Variants in SIAH1 observed in about 807,000 individuals in gnomAD.
SIAH1 encodes the protein siah E3 ubiquitin protein ligase 1.
SIAH1 carries 2 observed loss-of-function variants against 20.0 expected under a neutral mutation model. The ratio of observed to expected loss-of-function variants is 0.10; its 90% CI spans 0.04 to 0.31. The LOEUF (loss-of-function observed/expected upper bound fraction) is 0.31, where lower values mean the gene tolerates loss of function less well. Among genes scored for constraint, SIAH1 ranks in the 10% least tolerant of loss-of-function variants. The pLI is 1.00. For synonymous variants in SIAH1, 118 were observed against 125.3 expected (o/e 0.94, Z 0.39); for missense variants, 119 against 355.3 (o/e 0.33, Z 5.35).
At chr16:48,385,851 C>T (rs1283706474), upstream of SIAH1, among the ~76,000 whole-genome samples, 1 of 152,160 alleles carries the variant, frequency 6.6e-6, no homozygotes, top group African/African-American at 2.4e-5. Flanking sequence ...CTGATTTAGC[C>T]CAGCGCCTCC....
At chr16:48,375,597 CA>C (rs1456553746) in intron 1 of SIAH1, among the ~76,000 whole-genome samples, 2 of 151,054 alleles carry the variant, frequency 1.3e-5, no homozygotes, top group Non-Finnish European at 2.9e-5. Context: ...GAGATCAGGC[CA>C]ACTGCACTCC....
At position 48,385,275 on chromosome 16, in the gene SIAH1, CG is replaced by C; in HGVS notation, c.-75del. The C allele has an allele frequency of 3.2e-6, 1 of 312,634 alleles. No individual in the cohort carries two copies. Among genetic ancestry groups the C allele is most frequent in the Non-Finnish European group, 6.8e-6 (1 of 146,996 alleles). 19.4% of individuals were successfully genotyped at this position (312,634 alleles called of 1,614,324 possible). A position where few individuals can be genotyped will look rare whatever the true frequency, so the allele number is the denominator to read the frequency against. On this transcript the variant is annotated 5_prime_UTR_variant, in exon 1 of 2. Coordinates refer to ENST00000394725, the MANE Select transcript of SIAH1 (RefSeq NM_003031.4). ...GCTCCGTCGCCAACCCCCGCCACCG[CG>C]GGCAGCGCCACCGCCTCTTCCCGGC...
chr16:48,367,615 A>G (rs868144934), intron 1 of SIAH1, among the ~76,000 whole-genome samples: 20 of 152,230 alleles, frequency 1.3e-4, no homozygotes, highest in Non-Finnish European at 2.9e-4. Flanking sequence ...GACCTGATTT[A>G]ATTGCCAAGT....
intron 1 of SIAH1, among the ~76,000 whole-genome samples, chr16:48,375,618 G>T (rs564164684): frequency 6.6e-6 from 1 of 151,482 alleles, no homozygotes; most frequent in Non-Finnish European, 1.5e-5. Context: ...CAGCCCGGGC[G>T]ACAGAGCGAG....
Position 48,365,017 on chromosome 16 carries a change from T to G in SIAH1, c.-2-2587A>C, listed in dbSNP as rs554055157. ...AACACTACAGAAAGCACATTTTAACTCCTATTCAAAGTGTGAAAAAGAAGC... is the reference window on the plus strand; with the variant it reads ...AACACTACAGAAAGCACATTTTAACGCCTATTCAAAGTGTGAAAAAGAAGC... On this transcript the variant is annotated intron_variant, in intron 1 of 1. Coordinates refer to ENST00000394725, the MANE Select transcript of SIAH1 (RefSeq NM_003031.4). 4 of 194,258 alleles carry G rather than the reference T, an allele frequency of 2.1e-5. No homozygotes were observed. The South Asian group carries it at 4.5e-4, about 22-fold the overall frequency. 12.0% of individuals were successfully genotyped at this position (194,258 alleles called of 1,614,324 possible).
intron 1 of SIAH1, among the ~76,000 whole-genome samples, chr16:48,368,671 G>A (rs1397526418): frequency 6.6e-6 from 1 of 151,906 alleles, no homozygotes; most frequent in African/African-American, 2.4e-5. Context: ...CCCAGGAGGC[G>A]GAGGCTGCAG....
chr16:48,372,766 C>G (rs1199778629), intron 1 of SIAH1, among the ~76,000 whole-genome samples: 1 of 152,136 alleles, frequency 6.6e-6, no homozygotes. Flanking sequence ...AAGAACCTGC[C>G]CGGTAACAGT....
chr16:48,377,373 C>A (rs1961136320), intron 1 of SIAH1, among the ~76,000 whole-genome samples: 1 of 151,068 alleles, frequency 6.6e-6, no homozygotes, highest in Non-Finnish European at 1.5e-5. Flanking sequence ...TAACATTAAA[C>A]CTAAAGTTCT....
chr16:48,370,248 TATTAC>T (rs1444673508), intron 1 of SIAH1, among the ~76,000 whole-genome samples: 2 of 152,312 alleles, frequency 1.3e-5, no homozygotes, highest in East Asian at 3.9e-4. Flanking sequence ...CATAAATTCT[TATTAC>T]ATTACTCTTG....
At chr16:48,381,914 G>A (rs546306820) in intron 1 of SIAH1, among the ~76,000 whole-genome samples, 2 of 152,172 alleles carry the variant, frequency 1.3e-5, no homozygotes, top group Non-Finnish European at 2.9e-5. Context: ...GTACCACTTT[G>A]GCGGGGAATG....
intron 1 of SIAH1, chr16:48,365,891 AGCCT>A (rs747418898): frequency 1.6e-6 from 2 of 1,234,580 alleles, no homozygotes; most frequent in South Asian, 8.2e-5. Context: ...TTACTGCAGG[AGCCT>A]GCCTGCCGGG....
At chr16:48,383,633 T>C (rs1186068423) in intron 1 of SIAH1, among the ~76,000 whole-genome samples, 1 of 152,212 alleles carries the variant, frequency 6.6e-6, no homozygotes, top group Non-Finnish European at 1.5e-5. Flanking sequence ...AGAGAAGACC[T>C]CATTTTAATC....
At chr16:48,366,601 C>T (rs955578330) in intron 1 of SIAH1, among the ~76,000 whole-genome samples, 3 of 152,174 alleles carry the variant, frequency 2.0e-5, no homozygotes, top group African/African-American at 7.2e-5. Flanking sequence ...CAAGCACTAC[C>T]CTTGCCCCAA....
upstream of SIAH1, among the ~76,000 whole-genome samples, chr16:48,386,512 A>G (rs896545387): frequency 2.6e-5 from 4 of 152,222 alleles, no homozygotes; most frequent in African/African-American, 9.6e-5. Flanking sequence ...GTCTCAAAAA[A>G]ATAAAAATAA....
chr16:48,369,793 T>C (rs1232857863), intron 1 of SIAH1, among the ~76,000 whole-genome samples: 1 of 152,176 alleles, frequency 6.6e-6, no homozygotes, highest in Non-Finnish European at 1.5e-5. Flanking sequence ...AGTAAAACTT[T>C]CCCTTTCCCA....
At chr16:48,382,302 C>T (rs755890501) in intron 1 of SIAH1, among the ~76,000 whole-genome samples, 17 of 152,120 alleles carry the variant, frequency 1.1e-4, no homozygotes, top group Non-Finnish European at 1.9e-4. Flanking sequence ...TGGGGGGAAC[C>T]TTTGAGCCCA....
At position 48,361,704 on chromosome 16, in the gene SIAH1, G is replaced by A. The variant is rs757853053; in HGVS notation, c.725C>T (p.Ser242Phe). The A allele has an allele frequency of 1.9e-6, 3 of 1,614,046 alleles. No homozygotes were observed. The change falls in exon 2 of 2, where the codon TCT becomes TTT. Residue 242 changes from serine (S) to phenylalanine (F), a missense_variant. Coordinates refer to ENST00000394725, the MANE Select transcript of SIAH1 (RefSeq NM_003031.4). ...GGCTGTTGCAATTCCTTCATGAATA[G>A]ATCGAGGAGTCGCTTCCCAAGTCAA... ...RRLTWEATPR[S>F]IHEGIATAIM... is the part of the protein sequence containing the mutation.
intron 1 of SIAH1, among the ~76,000 whole-genome samples, chr16:48,368,396 A>G (rs1960895840): frequency 6.6e-6 from 1 of 152,230 alleles, no homozygotes; most frequent in Non-Finnish European, 1.5e-5. Context: ...TTAGTAAAAA[A>G]CAACAACAAC....
At chr16:48,366,847 A>G (rs992810520) in intron 1 of SIAH1, among the ~76,000 whole-genome samples, 1 of 152,250 alleles carries the variant, frequency 6.6e-6, no homozygotes, top group South Asian at 2.1e-4. Flanking sequence ...TACAGGCTAC[A>G]CAAAACAGCA....
Sources: allele counts gnomAD v4.1 joint callset (sites outside exome capture counted in the v4.1 genomes callset), GRCh38; gene constraint gnomAD v4.1.1; transcripts MANE v1.5; gene names NCBI Gene and HGNC (gene_info 2026-07-23, HGNC 2026-07-21).